Variants in YIPF1 observed in about 807,000 individuals in gnomAD.
YIPF1 encodes protein YIPF1.
Under a neutral mutation model 37.0 loss-of-function variants are expected in YIPF1, and 22 were observed. The ratio of observed to expected loss-of-function variants is 0.59; its 90% CI spans 0.42 to 0.85. The LOEUF is 0.85. YIPF1 is among the 40% of genes least tolerant of loss of function. YIPF1 has a pLI of 0.00. For missense variants in YIPF1, 355 were observed against 373.1 expected (o/e 0.95, Z 0.40); for synonymous variants, 128 against 131.9 (o/e 0.97, Z 0.21).
rs751913968 is a variant in YIPF1, at chr1:53,860,161, G to A, written c.832-8C>T. ...TGCATCAAAAAAGTATGCCTGTGGG[G>A]AAAAAAAGACCCAGGAGGGAGTTAA... On this transcript the variant is annotated splice_region_variant and splice_polypyrimidine_tract_variant and intron_variant, in intron 9 of 10. Transcript: ENST00000072644. The A allele has an allele frequency of 1.6e-5, 26 of 1,612,888 alleles. No individual in the cohort carries two copies. The South Asian group carries it at 2.9e-4, about 18-fold the overall frequency.
intron 1 of YIPF1, 25 bp downstream of exon 1, chr1:53,889,688 G>A (rs78309676): frequency 0.022 from 3,330 of 152,402 alleles, 60 homozygotes; most frequent in East Asian, 0.089. Context: ...GCCTCGTACA[G>A]GTCCCGCAAA....
intron 3 of YIPF1, chr1:53,886,810 A>G (rs1650666123): frequency 6.6e-6 from 1 of 152,056 alleles, no homozygotes; most frequent in Non-Finnish European, 1.5e-5. Context: ...ACTCCTAGAT[A>G]GGATGGCTGA....
intron 7 of YIPF1, among the ~76,000 whole-genome samples, chr1:53,869,808 G>C (rs1256936459): frequency 6.6e-6 from 1 of 151,478 alleles, no homozygotes; most frequent in East Asian, 1.9e-4. Flanking sequence ...CCCATCCCTA[G>C]GACACATTCA....
In YIPF1 at chr1:53,852,122, T is replaced by C. The variant is rs1339951401; in HGVS notation, c.*157A>G. 6.6e-6 allele frequency: 1 copy of C among 152,188 alleles called. No individual in the cohort carries two copies. The highest frequency in any genetic ancestry group is 2.4e-5 in the African/African-American group (1 of 41,450). 9.4% of individuals were successfully genotyped at this position (152,188 alleles called of 1,614,324 possible). ...GTGCTGAGCAACATTTAATTTCTGC[T>C]TGTTAAACGGGTGATTAGGCGCCAG... On this transcript the variant is annotated 3_prime_UTR_variant, in exon 11 of 11. Coordinates refer to ENST00000072644, the MANE Select transcript of YIPF1 (RefSeq NM_018982.5).
rs1557611112 is a variant in YIPF1, at chr1:53,883,174, C to T, written c.134G>A (p.Arg45Lys). Residue 45 changes from arginine (R) to lysine (K), a missense_variant, in exon 4 of 11, where the codon AGA (arginine) becomes AAA (lysine). Transcript: ENST00000072644. ...ETPKHQPGSP[R>K]GSGREEDDEL... is the part of the protein sequence containing the mutation. ...ATCATCTTCTTCTCTTCCTGAGCCT[C>T]TTGGGGATCCTGGCTGATGTTTTGG... 6.2e-7 allele frequency: 1 copy of T among 1,603,604 alleles called. No individual in the cohort carries two copies. Among genetic ancestry groups the T allele is most frequent in the African/African-American group, 1.3e-5 (1 of 74,528 alleles).
rs189852937 is a variant in YIPF1, at chr1:53,867,574, G to A, written c.482-650C>T. On this transcript the variant is annotated intron_variant, in intron 7 of 10. Coordinates refer to ENST00000072644, the MANE Select transcript of YIPF1 (RefSeq NM_018982.5). ...TTTTTAGTAGAGACGGGGTTTCACCGTGTTAGCCAGGATGGTCCTGACCTC... is the reference window on the plus strand; with the variant it reads ...TTTTTAGTAGAGACGGGGTTTCACCATGTTAGCCAGGATGGTCCTGACCTC... 2.6e-4 allele frequency among the ~76,000 whole-genome samples: 40 copies of A among 152,006 alleles called. No individual in the cohort carries two copies. The South Asian group carries it at 3.9e-3, about 15-fold the overall frequency.
At chr1:53,886,647 T>C (rs980073482) in intron 3 of YIPF1, 8 of 142,998 alleles carry the variant, frequency 5.6e-5, no homozygotes, top group Admixed American at 3.7e-4. Flanking sequence ...ATTTGTCACC[T>C]GCCTCCTCCT....
chr1:53,867,108 T>C (rs1485553473), intron 7 of YIPF1, among the ~76,000 whole-genome samples, 184 bp from the exon 8 acceptor site: 1 of 152,212 alleles, frequency 6.6e-6, no homozygotes, highest in Non-Finnish European at 1.5e-5. Context: ...GTAGGCACTT[T>C]AGAAATGTTT....
intron 10 of YIPF1, among the ~76,000 whole-genome samples, chr1:53,858,254 C>G (rs1396045411): frequency 2.6e-5 from 4 of 152,132 alleles, no homozygotes; most frequent in Admixed American, 1.3e-4. Flanking sequence ...TTCTACTGGC[C>G]AGGGTGACTG....
At chr1:53,875,084 G>A (rs1027136317) in intron 6 of YIPF1, among the ~76,000 whole-genome samples, 1 of 152,108 alleles carries the variant, frequency 6.6e-6, no homozygotes, top group Non-Finnish European at 1.5e-5. Flanking sequence ...GAATTATAGG[G>A]TATAAGCATC....
chr1:53,888,723 C>CA lies in YIPF1; in HGVS notation c.31+183dup, dbSNP rs531963445. 8.9e-4 allele frequency among the ~76,000 whole-genome samples: 135 copies of CA among 151,410 alleles called. 1 individual carries two copies. The highest frequency in any genetic ancestry group is 5.2e-3 in the South Asian group (25 of 4,792). On this transcript the variant is annotated intron_variant, in intron 3 of 10. Coordinates refer to ENST00000072644, the MANE Select transcript of YIPF1 (RefSeq NM_018982.5). ...GTTACCAATCTGAAGGGTTATCTGG[C>CA]AAAAAAAACAAAAACAAAAACAGCT...
At chr1:53,876,592 G>A (rs1368231368) in intron 6 of YIPF1, among the ~76,000 whole-genome samples, 1 of 152,194 alleles carries the variant, frequency 6.6e-6, no homozygotes, top group Non-Finnish European at 1.5e-5. Flanking sequence ...GTCATGAGAG[G>A]CAGTATAGCA....
At chr1:53,877,602 C>T (rs549074243) in intron 6 of YIPF1, among the ~76,000 whole-genome samples, 3 of 152,102 alleles carry the variant, frequency 2.0e-5, no homozygotes. Flanking sequence ...TGACAACAAT[C>T]CCCGGCCCAA....
chr1:53,888,840 G>C (rs1402759445), intron 3 of YIPF1, 67 bp downstream of exon 3: 9 of 1,437,786 alleles, frequency 6.3e-6, no homozygotes, highest in Non-Finnish European at 7.6e-6. Flanking sequence ...GTATAGGAAT[G>C]AAAATACTTG....
chr1:53,878,229 T>C (rs2100737721), intron 6 of YIPF1, 86 bp downstream of exon 6: 1 of 1,305,938 alleles, frequency 7.7e-7, no homozygotes, highest in Non-Finnish European at 1.1e-6. Flanking sequence ...GCCCCACCAA[T>C]AGTGCAGTTC....
intron 9 of YIPF1, among the ~76,000 whole-genome samples, chr1:53,860,939 G>A (rs548211187): frequency 6.6e-6 from 1 of 152,292 alleles, no homozygotes; most frequent in Admixed American, 6.5e-5. Flanking sequence ...CAAAGGAAAG[G>A]TGAATCTGTT....
chr1:53,878,561 T>C, intron 5 of YIPF1, 81 bp downstream of exon 5: 1 of 1,511,334 alleles, frequency 6.6e-7, no homozygotes, highest in African/African-American at 1.4e-5. Flanking sequence ...TATAAAGGCT[T>C]TCACATTATT....
intron 1 of YIPF1, 60 bp from the exon 2 acceptor site, chr1:53,889,523 T>A (rs1473984294): frequency 6.6e-6 from 1 of 152,010 alleles, no homozygotes; most frequent in Non-Finnish European, 1.5e-5. Flanking sequence ...TAAATGGGAG[T>A]GCGTGTAAGG....
intron 4 of YIPF1, 29 bp downstream of exon 4, chr1:53,883,084 T>G: frequency 6.5e-7 from 1 of 1,541,816 alleles, no homozygotes; most frequent in South Asian, 1.3e-5. Flanking sequence ...AAAAATTGTT[T>G]AAAAAATATC....
Sources: gnomAD v4.1 joint callset for allele counts (sites outside exome capture counted in the v4.1 genomes callset) on GRCh38, gnomAD v4.1.1 for gene constraint, MANE v1.5 for transcripts, NCBI Gene and HGNC (gene_info 2026-07-23, HGNC 2026-07-21) for gene names.